CCDC178: variants seen among roughly 807,000 people sequenced by gnomAD.
CCDC178 encodes coiled-coil domain containing 178, also known as coiled-coil domain-containing protein 178.
A neutral mutation model predicts 117.4 loss-of-function variants in CCDC178; 126 were observed. That is an observed-to-expected ratio of 1.07 (90% CI 0.93 to 1.24). The LOEUF is 1.24. Ranked by LOEUF, CCDC178 falls within the 50% of genes most tolerant of loss-of-function variation. The pLI is 0.00. For synonymous variants in CCDC178, 283 were observed against 313.4 expected (o/e 0.90, Z 1.02); for missense variants, 1,030 against 986.9 (o/e 1.04, Z -0.59).
intron 2 of CCDC178, among the ~76,000 whole-genome samples, chr18:33,420,860 A>C (rs2064015216): frequency 6.6e-6 from 1 of 152,250 alleles, no homozygotes; most frequent in African/African-American, 2.4e-5. Flanking sequence ...AGATAGCTAG[A>C]AAATCCTCAT....
chr18:33,332,682 C>T (rs2144627994), intron 10 of CCDC178, among the ~76,000 whole-genome samples: 1 of 152,108 alleles, frequency 6.6e-6, no homozygotes, highest in East Asian at 1.9e-4. Context: ...GTCAAGCAAT[C>T]CTCACACATC....
At chr18:33,068,312 C>A (rs1395595247) in intron 21 of CCDC178, among the ~76,000 whole-genome samples, 2 of 152,130 alleles carry the variant, frequency 1.3e-5, no homozygotes, top group Non-Finnish European at 2.9e-5. Flanking sequence ...CTTCCTAACT[C>A]ATTCTATGAG....
intron 12 of CCDC178, among the ~76,000 whole-genome samples, chr18:33,292,647 G>A (rs1418546194): frequency 6.6e-6 from 1 of 151,908 alleles, no homozygotes; most frequent in African/African-American, 2.4e-5. Context: ...ATTACACATT[G>A]TATACAGGTA....
chr18:33,227,844 C>A (rs1194530160), intron 15 of CCDC178, among the ~76,000 whole-genome samples: 5 of 152,004 alleles, frequency 3.3e-5, no homozygotes, highest in Non-Finnish European at 7.4e-5. Flanking sequence ...TTTGATATAT[C>A]ATTTTACTTA....
At chr18:33,216,541 T>C (rs2059167542) in intron 18 of CCDC178, among the ~76,000 whole-genome samples, 1 of 152,108 alleles carries the variant, frequency 6.6e-6, no homozygotes, top group Admixed American at 6.6e-5. Context: ...CCCAACTGAT[T>C]CTACAGATCT....
rs535688956 is a variant in CCDC178, at chr18:33,050,176, T to C, written c.2388+42585A>G. 1.2e-4 allele frequency among the ~76,000 whole-genome samples: 18 copies of C among 152,326 alleles called. No homozygotes were observed. In the South Asian group the frequency reaches 3.3e-3, roughly 28 times the overall value. On this transcript the variant is annotated intron_variant, in intron 21 of 22. Coordinates refer to ENST00000383096, the MANE Select transcript of CCDC178 (RefSeq NM_001105528.4). The stretch of plus-strand genomic sequence containing the variant: ...GTACTTTATCCTAAATAGCTTTTAA[T>C]TGAATCAAGCCTCTGTGGGAACATT...
chr18:33,073,410 A>G (rs920271792), intron 21 of CCDC178, among the ~76,000 whole-genome samples: 1 of 152,100 alleles, frequency 6.6e-6, no homozygotes, highest in Non-Finnish European at 1.5e-5. Flanking sequence ...ATACTCCATT[A>G]TATACAAATT....
At chr18:33,156,002 TAA>T (rs200372884) in intron 20 of CCDC178, among the ~76,000 whole-genome samples, 3 of 129,892 alleles carry the variant, frequency 2.3e-5, no homozygotes, top group Non-Finnish European at 1.6e-5. Context: ...AAATCTTTAG[TAA>T]AAAAAAAAAA....
chr18:33,408,817 G>C (rs1016403650), intron 3 of CCDC178, among the ~76,000 whole-genome samples: 1 of 152,140 alleles, frequency 6.6e-6, no homozygotes, highest in African/African-American at 2.4e-5. Flanking sequence ...ACAAATAAAT[G>C]TGATGCTGCC....
intron 21 of CCDC178, among the ~76,000 whole-genome samples, chr18:33,044,860 C>A (rs2056614010): frequency 6.6e-6 from 1 of 152,062 alleles, no homozygotes; most frequent in Non-Finnish European, 1.5e-5. Flanking sequence ...GAAATAATGT[C>A]TTTTGCAGCA....
intron 17 of CCDC178, 91 bp from the exon 18 acceptor site, chr18:33,223,310 A>G: frequency 7.6e-7 from 1 of 1,319,450 alleles, no homozygotes. Context: ...TATTTTAATA[A>G]CAACAGCATT....
chr18:33,335,712 T>TA (rs760726402), intron 9 of CCDC178, among the ~76,000 whole-genome samples: 16 of 152,170 alleles, frequency 1.1e-4, no homozygotes, highest in African/African-American at 3.8e-4. Flanking sequence ...TTGCTTTCTT[T>TA]AAAAAAGTTT....
intron 11 of CCDC178, among the ~76,000 whole-genome samples, chr18:33,297,332 C>T (rs1357393772): frequency 2.0e-5 from 3 of 151,700 alleles, no homozygotes; most frequent in Admixed American, 2.0e-4. Flanking sequence ...AAATAAAGAT[C>T]AAAAGCAGAA....
In CCDC178 at chr18:33,147,381, T is replaced by A. The variant is rs1192256588; in HGVS notation, c.2239-54471A>T. Among the ~76,000 whole-genome samples, 6 of 140,660 alleles carry A rather than the reference T, an allele frequency of 4.3e-5. No homozygotes were observed. In the East Asian group the frequency reaches 1.2e-3, roughly 29 times the overall value. The allele number at this position is 140,660 out of a possible 152,430, so 92.3% of individuals were successfully genotyped here. On this transcript the variant is annotated intron_variant, in intron 20 of 22. Transcript: ENST00000383096. ...ATTTTTTTTTTTTTTTTTTTTTTTT[T>A]AGTATTTATTGATCATTCTTGGGTG...
intron 15 of CCDC178, among the ~76,000 whole-genome samples, chr18:33,228,747 G>A (rs2059337314): frequency 6.6e-6 from 1 of 152,162 alleles, no homozygotes; most frequent in Non-Finnish European, 1.5e-5. Flanking sequence ...CACTGGCTGG[G>A]CTGCCAATTG....
In CCDC178 at chr18:33,177,963, C is replaced by T. The variant is rs371151920; in HGVS notation, c.2238+33933G>A. Among the ~76,000 whole-genome samples, 31 of 152,186 alleles carry T rather than the reference C, an allele frequency of 2.0e-4. No individual in the cohort carries two copies. The East Asian group carries it at 3.9e-3, about 19-fold the overall frequency. Reference sequence around the variant, plus strand: ...CTTATGTTCTCATGAAATATGAGTGCTCCGCAAATTCCTCTGTACCCTTAG... The same window carrying T: ...CTTATGTTCTCATGAAATATGAGTGTTCCGCAAATTCCTCTGTACCCTTAG... On this transcript the variant is annotated intron_variant, in intron 20 of 22. Coordinates refer to ENST00000383096, the MANE Select transcript of CCDC178 (RefSeq NM_001105528.4).
intron 19 of CCDC178, 29 bp downstream of exon 19, chr18:33,215,519 CTT>C: frequency 1.8e-6 from 2 of 1,113,216 alleles, no homozygotes; most frequent in South Asian, 4.1e-5. Flanking sequence ...TTTTTAAAAA[CTT>C]CATATTTTGA....
intron 12 of CCDC178, among the ~76,000 whole-genome samples, chr18:33,278,450 G>T (rs899224196): frequency 5.3e-5 from 8 of 151,670 alleles, no homozygotes; most frequent in African/African-American, 1.9e-4. Flanking sequence ...GGAGCCTATA[G>T]AGCCACCCTT....
At chr18:32,971,350 A>T (rs139143583) in intron 22 of CCDC178, among the ~76,000 whole-genome samples, 1 of 152,260 alleles carries the variant, frequency 6.6e-6, no homozygotes, top group East Asian at 1.9e-4. Context: ...AAAGGACATG[A>T]TCTCATTCTT....
Sources: allele counts gnomAD v4.1 joint callset (sites outside exome capture counted in the v4.1 genomes callset), GRCh38; gene constraint gnomAD v4.1.1; transcripts MANE v1.5; gene names NCBI Gene and HGNC (gene_info 2026-07-23, HGNC 2026-07-21).